RFPL1: variants seen among roughly 807,000 people sequenced by gnomAD.
RFPL1 encodes ret finger protein like 1.
In RFPL1, 6 loss-of-function variants were observed where a neutral mutation model predicts 9.6. The observed-to-expected ratio is 0.62, with a 90% CI of 0.34 to 1.23. The LOEUF is 1.23. Among genes scored for constraint, RFPL1 ranks in the 50% most tolerant of loss-of-function variants. The pLI, the probability that RFPL1 is intolerant of heterozygous loss-of-function variation, is 0.03. For synonymous variants in RFPL1, 145 were observed against 149.4 expected, an observed-to-expected ratio of 0.97 and a Z score of 0.22; for missense variants, 352 against 398.4, an observed-to-expected ratio of 0.88 and a Z score of 0.99.
At chr22:29,418,364 T>C in the RFPL1 span, among the ~76,000 whole-genome samples, 2 of 152,294 alleles carry the variant, frequency 1.3e-5, no homozygotes, top group East Asian at 3.9e-4. Flanking sequence ...TGCACACCGG[T>C]GACAAATTAG....
the RFPL1 span, among the ~76,000 whole-genome samples, chr22:29,405,418 T>C: frequency 3.3e-5 from 5 of 152,190 alleles, no homozygotes; most frequent in African/African-American, 1.2e-4. Context: ...AGACTGTGCA[T>C]CATAACTGAG....
the RFPL1 span, among the ~76,000 whole-genome samples, chr22:29,410,644 A>C: frequency 0.012 from 1,531 of 128,476 alleles, 39 homozygotes; most frequent in African/African-American, 0.04. Context: ...TATTGTAGAT[A>C]TATCTATCTA....
chr22:29,425,611 G>GAA, the RFPL1 span, among the ~76,000 whole-genome samples: 1 of 151,920 alleles, frequency 6.6e-6, no homozygotes, highest in African/African-American at 2.4e-5. Flanking sequence ...TCAAACTAGT[G>GAA]AAAAAAAATG....
chr22:29,415,060 TCAAAAC>T, the RFPL1 span, among the ~76,000 whole-genome samples: 388 of 151,546 alleles, frequency 2.6e-3, 1 homozygote, highest in Admixed American at 5.7e-3. Context: ...CAAGTGAAAA[TCAAAAC>T]CAAAACCAAA....
the RFPL1 span, among the ~76,000 whole-genome samples, chr22:29,393,500 C>T: frequency 6.6e-6 from 1 of 152,208 alleles, no homozygotes; most frequent in Non-Finnish European, 1.5e-5. Context: ...TCTGCCCCCA[C>T]CACTAAACCC....
At chr22:29,423,382 C>CTT in the RFPL1 span, among the ~76,000 whole-genome samples, 96 of 134,404 alleles carry the variant, frequency 7.1e-4, no homozygotes, top group South Asian at 1.9e-3. Context: ...AATCTATCAA[C>CTT]TTTTTTTTTT....
the RFPL1 span, among the ~76,000 whole-genome samples, chr22:29,398,675 G>A: frequency 6.6e-6 from 1 of 152,220 alleles, no homozygotes; most frequent in African/African-American, 2.4e-5. Context: ...AGGAGGCAAT[G>A]CACTATGCGT....
the RFPL1 span, among the ~76,000 whole-genome samples, chr22:29,393,733 A>G: frequency 6.6e-6 from 1 of 151,936 alleles, no homozygotes; most frequent in Admixed American, 6.6e-5. Context: ...AGAAATACAT[A>G]CTTCCTGACA....
the RFPL1 span, among the ~76,000 whole-genome samples, chr22:29,412,112 T>C: frequency 1.3e-5 from 2 of 152,056 alleles, no homozygotes; most frequent in African/African-American, 4.8e-5. Context: ...CCAGCAGAAA[T>C]TGGTGAGAGG....
At chr22:29,421,373 G>A in the RFPL1 span, among the ~76,000 whole-genome samples, 2 of 152,006 alleles carry the variant, frequency 1.3e-5, no homozygotes, top group Non-Finnish European at 2.9e-5. Context: ...GGAGGCTGCA[G>A]TGAGCAGAGA....
the RFPL1 span, among the ~76,000 whole-genome samples, chr22:29,391,549 T>C: frequency 6.6e-6 from 1 of 152,100 alleles, no homozygotes; most frequent in Non-Finnish European, 1.5e-5. Flanking sequence ...GGTATCAAGC[T>C]GGAGAGCTTA....
At chr22:29,399,789 C>T in the RFPL1 span, among the ~76,000 whole-genome samples, 2 of 152,090 alleles carry the variant, frequency 1.3e-5, no homozygotes, top group Admixed American at 6.6e-5. Context: ...ACTACATATA[C>T]TTTTATTCTT....
chr22:29,437,740 T>G, upstream of RFPL1: 4 of 1,580,760 alleles, frequency 2.5e-6, no homozygotes, highest in Non-Finnish European at 3.4e-6. Flanking sequence ...GGTGAGCCCA[T>G]GCCTGTGTGT....
the RFPL1 span, among the ~76,000 whole-genome samples, chr22:29,422,758 CAT>C: frequency 2.6e-5 from 4 of 151,892 alleles, no homozygotes; most frequent in Non-Finnish European, 5.9e-5. Flanking sequence ...AAAAGAAAAA[CAT>C]GTGCCGTTGG....
chr22:29,439,200 C>A, intron 1 of RFPL1, 36 bp downstream of exon 1: 1 of 1,587,844 alleles, frequency 6.3e-7, no homozygotes, highest in South Asian at 1.1e-5. Context: ...CTTCCTACGA[C>A]CAGACCAGGA....
At chr22:29,430,949 A>C in the RFPL1 span, among the ~76,000 whole-genome samples, 1 of 152,208 alleles carries the variant, frequency 6.6e-6, no homozygotes, top group South Asian at 2.1e-4. Context: ...AAAAACCCTT[A>C]AGTTAAAATA....
chr22:29,425,128 C>G, the RFPL1 span, among the ~76,000 whole-genome samples: 1 of 146,718 alleles, frequency 6.8e-6, no homozygotes, highest in Non-Finnish European at 1.5e-5. Flanking sequence ...GGCGTGGACC[C>G]GGGAGGTGGA....
chr22:29,418,284 G>T, the RFPL1 span, among the ~76,000 whole-genome samples: 9 of 152,148 alleles, frequency 5.9e-5, no homozygotes, highest in African/African-American at 1.9e-4. Context: ...CTCCCACAGG[G>T]GAAGCATGAG....
At chr22:29,417,028 A>G in the RFPL1 span, among the ~76,000 whole-genome samples, 6 of 152,150 alleles carry the variant, frequency 3.9e-5, 1 homozygote, top group African/African-American at 4.8e-5. Context: ...ACGTGTCAAC[A>G]TAGAGACTTA....
Sources: gnomAD v4.1 joint callset for allele counts (sites outside exome capture counted in the v4.1 genomes callset) on GRCh38, gnomAD v4.1.1 for gene constraint, MANE v1.5 for transcripts, NCBI Gene and HGNC (gene_info 2026-07-23, HGNC 2026-07-21) for gene names.